The following FCHO2 variants were observed in gnomAD, a reference collection of about 807,000 sequenced individuals.
The protein encoded by FCHO2 is F-BAR domain only protein 2.
A neutral mutation model predicts 114.1 loss-of-function variants in FCHO2; 43 were observed. The observed-to-expected ratio is 0.38, with a 90% CI of 0.30 to 0.49. The LOEUF (loss-of-function observed/expected upper bound fraction) is 0.49, where lower values mean the gene tolerates loss of function less well. Among genes scored for constraint, FCHO2 ranks in the 20% least tolerant of loss-of-function variants. FCHO2 has a pLI of 0.97. For missense variants in FCHO2, 807 were observed against 950.4 expected, an observed-to-expected ratio of 0.85 and a Z score of 1.98; for synonymous variants, 293 against 315.2, an observed-to-expected ratio of 0.93 and a Z score of 0.75.
intron 1 of FCHO2, 105 bp downstream of exon 1, chr5:72,956,234 G>T: frequency 5.5e-6 from 8 of 1,450,546 alleles, no homozygotes; most frequent in Non-Finnish European, 7.4e-6. Flanking sequence ...CCTCCGGCAG[G>T]GCGAGCGTCC....
chr5:73,081,719 G>A, intron 22 of FCHO2, 64 bp from the exon 23 acceptor site: 1 of 1,242,064 alleles, frequency 8.1e-7, no homozygotes. Context: ...AAGTGTCCAT[G>A]TCATTAACAT....
At chr5:72,996,865 GGGGGCCCCC>G (rs1754140517) in intron 5 of FCHO2, 4 of 1,365,164 alleles carry the variant, frequency 2.9e-6, no homozygotes, top group South Asian at 1.3e-5. Context: ...GCTGTGCCAC[GGGGGCCCCC>G]GGGGCCGGCG....
At chr5:73,008,623 G>T (rs1458938614) in intron 6 of FCHO2, among the ~76,000 whole-genome samples, 1 of 152,042 alleles carries the variant, frequency 6.6e-6, no homozygotes, top group Non-Finnish European at 1.5e-5. Flanking sequence ...AAGTAATCTG[G>T]GCTGGACATA....
chr5:72,988,987 T>C (rs571895879), intron 2 of FCHO2, among the ~76,000 whole-genome samples: 92 of 152,310 alleles, frequency 6.0e-4, no homozygotes, highest in Non-Finnish European at 9.6e-4. Flanking sequence ...GGTGGGAGGA[T>C]TGCTTGAGCC....
intron 20 of FCHO2, among the ~76,000 whole-genome samples, chr5:73,076,396 G>A (rs890281676): frequency 2.6e-5 from 4 of 152,152 alleles, no homozygotes; most frequent in African/African-American, 4.8e-5. Flanking sequence ...CAGGAGTGAG[G>A]TGGTGGAATC....
At chr5:72,982,270 C>T (rs1400886846) in intron 2 of FCHO2, among the ~76,000 whole-genome samples, 1 of 152,196 alleles carries the variant, frequency 6.6e-6, no homozygotes, top group African/African-American at 2.4e-5. Flanking sequence ...GTGAGATGAG[C>T]CGGGTACCTC....
intron 8 of FCHO2, among the ~76,000 whole-genome samples, chr5:73,031,294 A>C (rs974165907): frequency 6.6e-6 from 1 of 152,166 alleles, no homozygotes; most frequent in Admixed American, 6.6e-5. Context: ...CATTCCTTTT[A>C]TTAAACTTTT....
chr5:73,084,291 A>G (rs1743219485), intron 24 of FCHO2, among the ~76,000 whole-genome samples: 1 of 152,026 alleles, frequency 6.6e-6, no homozygotes, highest in Admixed American at 6.6e-5. Context: ...TTTGAGACAG[A>G]GCCTTGCTCT....
chr5:73,052,603 G>A, intron 13 of FCHO2, 96 bp downstream of exon 13: 1 of 946,928 alleles, frequency 1.1e-6, no homozygotes, highest in Non-Finnish European at 1.6e-6. Flanking sequence ...TGTTAAGCAT[G>A]TTGACTGAGG....
chr5:73,062,423 G>C (rs1757894604), intron 17 of FCHO2, among the ~76,000 whole-genome samples: 1 of 152,008 alleles, frequency 6.6e-6, no homozygotes, highest in Non-Finnish European at 1.5e-5. Flanking sequence ...TCTCTCACAA[G>C]TTTGAAATAA....
intron 24 of FCHO2, among the ~76,000 whole-genome samples, chr5:73,084,724 T>C (rs1327592793): frequency 6.6e-6 from 1 of 152,248 alleles, no homozygotes; most frequent in African/African-American, 2.4e-5. Flanking sequence ...GTGTTGTTTA[T>C]TCATTTACAC....
chr5:73,021,558 C>T (rs1470463409), intron 8 of FCHO2, among the ~76,000 whole-genome samples: 1 of 152,128 alleles, frequency 6.6e-6, no homozygotes, highest in East Asian at 1.9e-4. Context: ...CACATTCATT[C>T]ATCATGTGTT....
chr5:73,070,994 A>G (rs185053485), intron 19 of FCHO2, among the ~76,000 whole-genome samples: 1 of 152,142 alleles, frequency 6.6e-6, no homozygotes, highest in African/African-American at 2.4e-5. Context: ...AATGGTCCTT[A>G]AGTGTATCTA....
chr5:72,978,050 C>G (rs1209521508), intron 2 of FCHO2, among the ~76,000 whole-genome samples: 1 of 152,082 alleles, frequency 6.6e-6, no homozygotes, highest in Admixed American at 6.6e-5. Flanking sequence ...AGTGATGCCT[C>G]CAGCTTTGTT....
At chr5:73,060,492 A>C (rs1757805401) in intron 17 of FCHO2, among the ~76,000 whole-genome samples, 1 of 152,006 alleles carries the variant, frequency 6.6e-6, no homozygotes, top group Non-Finnish European at 1.5e-5. Flanking sequence ...TTTTATCTTA[A>C]ATTTTTATTT....
intron 5 of FCHO2, among the ~76,000 whole-genome samples, chr5:72,998,146 T>C (rs1381040597): frequency 6.6e-6 from 1 of 151,972 alleles, no homozygotes; most frequent in African/African-American, 2.4e-5. Context: ...GATGAGAATG[T>C]AAGGGGAATG....
Position 72,968,481 on chromosome 5 carries a change from A to G in FCHO2, c.34-17A>G. Reference sequence around the variant, plus strand: ...TATCTGTTTTTTTATGAAACTAAAAATCTTTTTAAATTTTAGGGGGAAAAA... The same window carrying G: ...TATCTGTTTTTTTATGAAACTAAAAGTCTTTTTAAATTTTAGGGGGAAAAA... On this transcript the variant is annotated splice_polypyrimidine_tract_variant and intron_variant, in intron 1 of 25. Coordinates refer to ENST00000430046, the MANE Select transcript of FCHO2 (RefSeq NM_138782.3). 6.8e-7 allele frequency: 1 copy of G among 1,477,258 alleles called. No individual in the cohort carries two copies. The highest frequency in any genetic ancestry group is 2.8e-5 in the Admixed American group (1 of 35,450). The allele number at this position is 1,477,258 out of a possible 1,614,324, so 91.5% of individuals were successfully genotyped here.
intron 15 of FCHO2, 71 bp downstream of exon 15, chr5:73,054,620 C>G: frequency 8.9e-7 from 1 of 1,118,826 alleles, no homozygotes; most frequent in African/African-American, 1.6e-5. Flanking sequence ...AGTCTTTTAC[C>G]TTTAGCTGTA....
At chr5:73,019,857 A>G (rs1352195278) in intron 8 of FCHO2, among the ~76,000 whole-genome samples, 1 of 152,292 alleles carries the variant, frequency 6.6e-6, no homozygotes, top group Middle Eastern at 3.4e-3. Flanking sequence ...TGAACAGTCA[A>G]CACTGCACTA....
Sources: gnomAD v4.1 joint callset for allele counts (sites outside exome capture counted in the v4.1 genomes callset) on GRCh38, gnomAD v4.1.1 for gene constraint, MANE v1.5 for transcripts, NCBI Gene and HGNC (gene_info 2026-07-23, HGNC 2026-07-21) for gene names.